NAA60: variants seen among roughly 807,000 people sequenced by gnomAD.
The protein encoded by NAA60 is N-alpha-acetyltransferase 60.
NAA60 carries 8 observed loss-of-function variants against 26.1 expected under a neutral mutation model. The ratio of observed to expected loss-of-function variants is 0.31; its 90% CI spans 0.18 to 0.55. The LOEUF is 0.55. NAA60 is among the 20% of genes least tolerant of loss of function. The pLI is 0.93. For missense variants in NAA60, 290 were observed against 311.3 expected (o/e 0.93, Z 0.51); for synonymous variants, 131 against 122.5 (o/e 1.07, Z -0.46).
At chr16:3,456,437 A>G (rs2034998761) in intron 2 of NAA60, among the ~76,000 whole-genome samples, 1 of 148,880 alleles carries the variant, frequency 6.7e-6, no homozygotes, top group South Asian at 2.2e-4. Context: ...AGAGCGAGCA[A>G]TTTCCTTTTT....
rs1188769417 is a variant in NAA60 at position 3,486,264 on chromosome 16, C to G, written c.*1004C>G. 1 of 153,654 alleles carries G rather than the reference C, an allele frequency of 6.5e-6. No individual in the cohort carries two copies. Among genetic ancestry groups the G allele is most frequent in the Non-Finnish European group, 1.5e-5 (1 of 68,894 alleles). 9.5% of individuals were successfully genotyped at this position (153,654 alleles called of 1,614,324 possible). On this transcript the variant is annotated 3_prime_UTR_variant, in exon 8 of 8. Coordinates refer to ENST00000407558, the MANE Select transcript of NAA60 (RefSeq NM_001083601.3). ...CACATACTTCTAGCATCCTCTCCAC[C>G]CTGCATTCCAAATGCTGCTTGCTGC...
intron 6 of NAA60, 129 bp downstream of exon 6, chr16:3,483,726 C>T (rs944993329): frequency 1.1e-5 from 8 of 706,690 alleles, no homozygotes; most frequent in South Asian, 6.7e-5. Context: ...ATGCTTCTCT[C>T]CCTTACCTGA....
At chr16:3,443,915 C>T in intron 1 of NAA60, 78 bp downstream of exon 1, 1 of 1,461,982 alleles carries the variant, frequency 6.8e-7, no homozygotes, top group Admixed American at 2.4e-5. Flanking sequence ...GGCGGGGGTT[C>T]GGGCCTAGCC....
In NAA60 at chr16:3,485,055, G is replaced by A. The variant is rs1188536500; in HGVS notation, c.*200G>A. On this transcript the variant is annotated 3_prime_UTR_variant, in exon 7 of 8. Coordinates refer to ENST00000407558, the MANE Select transcript of NAA60 (RefSeq NM_001083601.3). ...GGGCATGCGCAGAGCATGCCCATCC[G>A]TGGCAGGTACGCCACAGCAGACACA... 6.1e-5 allele frequency: 90 copies of A among 1,481,760 alleles called. No homozygotes were observed. The highest frequency in any genetic ancestry group is 1.2e-4 in the Admixed American group (6 of 50,052). 91.8% of individuals were successfully genotyped at this position (1,481,760 alleles called of 1,614,324 possible).
At chr16:3,468,573 C>G (rs1167034182) in intron 2 of NAA60, among the ~76,000 whole-genome samples, 1 of 152,168 alleles carries the variant, frequency 6.6e-6, no homozygotes, top group Non-Finnish European at 1.5e-5. Flanking sequence ...ACAGGCAGCT[C>G]AGGAGCACGG....
In NAA60 at chr16:3,486,250, A is replaced by G. The variant is rs1438049081; in HGVS notation, c.*990A>G. On this transcript the variant is annotated 3_prime_UTR_variant, in exon 8 of 8. Coordinates refer to ENST00000407558, the MANE Select transcript of NAA60 (RefSeq NM_001083601.3). ...TGCCGCAGGTGCATCACATACTTCT[A>G]GCATCCTCTCCACCCTGCATTCCAA... The G allele has an allele frequency of 6.5e-6, 1 of 154,984 alleles. No homozygotes were observed. Among genetic ancestry groups the G allele is most frequent in the East Asian group, 1.9e-4 (1 of 5,190 alleles). 9.6% of individuals were successfully genotyped at this position (154,984 alleles called of 1,614,324 possible). A position where few individuals can be genotyped will look rare whatever the true frequency, so the allele number is the denominator to read the frequency against.
At chr16:3,451,319 G>A (rs1270578401) in intron 2 of NAA60, among the ~76,000 whole-genome samples, 1 of 152,210 alleles carries the variant, frequency 6.6e-6, no homozygotes, top group Middle Eastern at 3.2e-3. Context: ...AAAATGGTAA[G>A]ATGAGTTAGC....
chr16:3,482,549 G>A lies in NAA60; in HGVS notation c.288G>A (p.Ala96=), dbSNP rs373081494. 2.3e-5 allele frequency: 37 copies of A among 1,609,388 alleles called. No individual in the cohort carries two copies. The highest frequency in any genetic ancestry group is 1.3e-4 in the African/African-American group (10 of 74,990). The change falls in exon 5 of 8, where the codon GCG becomes GCA. Residue 96 remains alanine (A), a synonymous_variant. Coordinates refer to ENST00000407558, the MANE Select transcript of NAA60 (RefSeq NM_001083601.3). ...ASNFSVDTQV[A]YILSLGVVKE... The stretch of plus-strand genomic sequence containing the variant: ...ACTTCTCTGTTGACACACAAGTCGC[G>A]TACATCCTAAGTCTGGGCGTCGTGA...
intron 4 of NAA60, 84 bp downstream of exon 4, chr16:3,479,684 C>A: frequency 6.6e-7 from 1 of 1,508,814 alleles, no homozygotes; most frequent in South Asian, 1.2e-5. Context: ...ATGCTGCCTG[C>A]TCCACAGCCG....
intron 3 of NAA60, among the ~76,000 whole-genome samples, chr16:3,478,107 G>A (rs558296593): frequency 1.5e-5 from 2 of 133,868 alleles, no homozygotes; most frequent in African/African-American, 5.3e-5. Flanking sequence ...CTGGTGGCAC[G>A]CACCTGTAAC....
chr16:3,485,144 G>A (rs778949367), intron 7 of NAA60, 83 bp downstream of exon 7: 5 of 855,428 alleles, frequency 5.8e-6, no homozygotes, highest in Non-Finnish European at 9.5e-6. Flanking sequence ...CACAGAGAAC[G>A]GCAGAGCCGG....
intron 2 of NAA60, among the ~76,000 whole-genome samples, chr16:3,460,973 A>G (rs1405856713): frequency 6.6e-6 from 1 of 152,052 alleles, no homozygotes; most frequent in Non-Finnish European, 1.5e-5. Flanking sequence ...TTGCTGTATC[A>G]CCCGGGCTGG....
At chr16:3,477,549 C>G (rs1030286661) in intron 3 of NAA60, among the ~76,000 whole-genome samples, 3 of 151,328 alleles carry the variant, frequency 2.0e-5, no homozygotes, top group African/African-American at 7.2e-5. Context: ...GCCTGTAATC[C>G]CAGCACTTTG....
rs1242916716 is a variant in NAA60 at position 3,485,925 on chromosome 16, C to T, written c.*665C>T. The T allele has an allele frequency of 2.9e-6, 1 of 340,098 alleles. No homozygotes were observed. The highest frequency in any genetic ancestry group is 4.0e-5 in the Admixed American group (1 of 25,008). The allele number at this position is 340,098 out of a possible 1,614,324, so 21.1% of individuals were successfully genotyped here. A position where few individuals can be genotyped will look rare whatever the true frequency, so the allele number is the denominator to read the frequency against. On this transcript the variant is annotated 3_prime_UTR_variant, in exon 8 of 8. Transcript: ENST00000407558. ...ACGCATCAGGACGGTTCCTACTCCTCAGCACCTTCCGTGCAGTTACCAGTG... is the reference window on the plus strand; with the variant it reads ...ACGCATCAGGACGGTTCCTACTCCTTAGCACCTTCCGTGCAGTTACCAGTG...
At chr16:3,466,649 G>A (rs2035780355) in intron 2 of NAA60, among the ~76,000 whole-genome samples, 1 of 152,156 alleles carries the variant, frequency 6.6e-6, no homozygotes, top group African/African-American at 2.4e-5. Context: ...TAATTCTTGT[G>A]GTATGGATGA....
At chr16:3,459,130 G>C (rs998517008) in intron 2 of NAA60, among the ~76,000 whole-genome samples, 2 of 152,222 alleles carry the variant, frequency 1.3e-5, no homozygotes, top group Non-Finnish European at 2.9e-5. Context: ...TTTGGTATCT[G>C]GAGTGGTAAT....
At chr16:3,462,536 A>G (rs1391272523) in intron 2 of NAA60, 6 of 152,126 alleles carry the variant, frequency 3.9e-5, no homozygotes. Context: ...ACTTAGTTTC[A>G]GATTACTTTG....
At chr16:3,451,229 C>G (rs1195551647) in intron 2 of NAA60, among the ~76,000 whole-genome samples, 1 of 152,190 alleles carries the variant, frequency 6.6e-6, no homozygotes, top group Non-Finnish European at 1.5e-5. Flanking sequence ...TAAGCCCAGC[C>G]TCCATTTCAC....
chr16:3,484,434 A>C, intron 6 of NAA60: 2 of 540,642 alleles, frequency 3.7e-6, no homozygotes, highest in Non-Finnish European at 6.6e-6. Flanking sequence ...CCCCCCGTGC[A>C]TCCCTGGGTG....
Sources: allele counts gnomAD v4.1 joint callset (sites outside exome capture counted in the v4.1 genomes callset), GRCh38; gene constraint gnomAD v4.1.1; transcripts MANE v1.5; gene names NCBI Gene and HGNC (gene_info 2026-07-23, HGNC 2026-07-21).